ARB2A: variants seen among roughly 807,000 people sequenced by gnomAD.
ARB2A encodes the protein cotranscriptional regulator ARB2A.
At chr5:93,696,513 A>G in the ARB2A span, among the ~76,000 whole-genome samples, 3 of 152,064 alleles carry the variant, frequency 2.0e-5, no homozygotes, top group Admixed American at 6.6e-5. Flanking sequence ...AAATTTCTCT[A>G]TTACTTAGAT....
At chr5:93,769,112 T>A in the ARB2A span, among the ~76,000 whole-genome samples, 1 of 152,188 alleles carries the variant, frequency 6.6e-6, no homozygotes, top group South Asian at 2.1e-4. Context: ...ACACATACTT[T>A]TTTTGTAATG....
chr5:93,622,538 C>T, the ARB2A span, among the ~76,000 whole-genome samples: 1 of 152,194 alleles, frequency 6.6e-6, no homozygotes, highest in Non-Finnish European at 1.5e-5. Context: ...CAGAAAGCTA[C>T]AGTCTGTGCC....
At chr5:93,869,072 T>C in the ARB2A span, among the ~76,000 whole-genome samples, 1 of 152,234 alleles carries the variant, frequency 6.6e-6, no homozygotes, top group East Asian at 1.9e-4. Flanking sequence ...TGGTTATTCT[T>C]ATTAGCTGTA....
At chr5:93,999,693 A>G in the ARB2A span, among the ~76,000 whole-genome samples, 1 of 151,992 alleles carries the variant, frequency 6.6e-6, no homozygotes, top group Non-Finnish European at 1.5e-5. Flanking sequence ...CCCAAAGCCC[A>G]TAGTTACCTT....
chr5:94,025,887 G>C, the ARB2A span, among the ~76,000 whole-genome samples: 16 of 152,158 alleles, frequency 1.1e-4, no homozygotes, highest in African/African-American at 3.9e-4. Context: ...AGACCACAGG[G>C]CCACACCCAG....
the ARB2A span, among the ~76,000 whole-genome samples, chr5:93,957,973 T>TA: frequency 2.7e-4 from 41 of 149,370 alleles, no homozygotes; most frequent in Admixed American, 4.0e-4. Context: ...TATGTTTTTC[T>TA]AAAAAAAAAA....
At chr5:93,957,058 C>T in the ARB2A span, among the ~76,000 whole-genome samples, 6 of 152,090 alleles carry the variant, frequency 3.9e-5, no homozygotes, top group Non-Finnish European at 7.4e-5. Context: ...CAGTGAAATG[C>T]TGTTATCCCC....
chr5:93,781,066 T>C, the ARB2A span, among the ~76,000 whole-genome samples: 16 of 152,332 alleles, frequency 1.1e-4, no homozygotes, highest in African/African-American at 3.6e-4. Context: ...TTTTATTACA[T>C]GGATATACTG....
At chr5:94,062,853 G>T in the ARB2A span, among the ~76,000 whole-genome samples, 1 of 152,208 alleles carries the variant, frequency 6.6e-6, no homozygotes, top group African/African-American at 2.4e-5. Context: ...GGGCAAAAAT[G>T]CAAGCCATTA....
chr5:93,774,435 G>A, the ARB2A span, among the ~76,000 whole-genome samples: 1 of 152,206 alleles, frequency 6.6e-6, no homozygotes. Flanking sequence ...AGTAGTGAAT[G>A]CAAAGGAAAA....
the ARB2A span, chr5:93,860,531 T>G: frequency 6.6e-6 from 1 of 152,056 alleles, no homozygotes; most frequent in Admixed American, 6.6e-5. Context: ...ATATGCATAT[T>G]TAGTAAACTA....
At chr5:93,707,067 T>C in the ARB2A span, among the ~76,000 whole-genome samples, 1,609 of 152,268 alleles carry the variant, frequency 0.011, 24 homozygotes, top group Middle Eastern at 0.044. Flanking sequence ...TGGATAGTTA[T>C]GAATATTCTC....
the ARB2A span, among the ~76,000 whole-genome samples, chr5:94,078,855 T>C: frequency 2.6e-5 from 4 of 151,862 alleles, no homozygotes; most frequent in African/African-American, 7.3e-5. Flanking sequence ...GGAAGAATCA[T>C]GAAAATAAGA....
At chr5:93,904,102 G>A in the ARB2A span, among the ~76,000 whole-genome samples, 1 of 151,820 alleles carries the variant, frequency 6.6e-6, no homozygotes, top group South Asian at 2.1e-4. Flanking sequence ...AAAAACATAG[G>A]TGACAGTCAG....
chr5:93,723,559 G>C, the ARB2A span, among the ~76,000 whole-genome samples: 1 of 152,048 alleles, frequency 6.6e-6, no homozygotes. Context: ...GTAAAAATAA[G>C]AACAGTAACT....
At chr5:93,877,320 C>G in the ARB2A span, among the ~76,000 whole-genome samples, 276 of 152,246 alleles carry the variant, frequency 1.8e-3, 2 homozygotes, top group African/African-American at 5.7e-3. Flanking sequence ...ATTAACTGAC[C>G]TTCCTTGATT....
the ARB2A span, among the ~76,000 whole-genome samples, chr5:93,632,852 A>T: frequency 6.6e-6 from 1 of 152,242 alleles, no homozygotes; most frequent in African/African-American, 2.4e-5. Flanking sequence ...GTAGTGAATT[A>T]AAAAATGGAG....
chr5:94,057,572 A>G, the ARB2A span, among the ~76,000 whole-genome samples: 1 of 152,230 alleles, frequency 6.6e-6, no homozygotes, highest in Non-Finnish European at 1.5e-5. Context: ...ACAATAAAGA[A>G]AGTACCATTT....
chr5:93,811,388 T>C, the ARB2A span, among the ~76,000 whole-genome samples: 2 of 152,102 alleles, frequency 1.3e-5, no homozygotes, highest in Non-Finnish European at 1.5e-5. Flanking sequence ...CTTCACTAGT[T>C]TGAGTAATGA....
Sources: gnomAD v4.1 joint callset for allele counts (sites outside exome capture counted in the v4.1 genomes callset) on GRCh38, gnomAD v4.1.1 for gene constraint, MANE v1.5 for transcripts, NCBI Gene and HGNC (gene_info 2026-07-23, HGNC 2026-07-21) for gene names.